The following CHODL variants were observed in gnomAD, a reference collection of about 807,000 sequenced individuals.
CHODL encodes chondrolectin.
In CHODL, 29 loss-of-function variants were observed where a neutral mutation model predicts 34.5. The observed-to-expected ratio is 0.84, with a 90% CI of 0.63 to 1.15. The LOEUF (loss-of-function observed/expected upper bound fraction) is 1.15. Ranked by LOEUF, CHODL falls within the 50% of genes most tolerant of loss-of-function variation. CHODL has a pLI of 0.00. For synonymous variants in CHODL, 125 were observed against 116.1 expected (o/e 1.08, Z -0.49); for missense variants, 332 against 332.5 (o/e 1.00, Z 0.01).
intron 2 of CHODL, among the ~76,000 whole-genome samples, chr21:18,216,806 C>A (rs2073833905): frequency 1.3e-5 from 2 of 151,980 alleles, no homozygotes; most frequent in South Asian, 4.2e-4. Context: ...CGGGGAAGTC[C>A]CAGACACTTA....
chr21:17,927,428 GT>G (rs2063238048), intron 1 of CHODL, among the ~76,000 whole-genome samples: 1 of 152,050 alleles, frequency 6.6e-6, no homozygotes, highest in African/African-American at 2.4e-5. Context: ...TATTTAGAAG[GT>G]GGTCATATGG....
chr21:18,152,540 G>A (rs1251601950), intron 2 of CHODL, among the ~76,000 whole-genome samples: 5 of 152,180 alleles, frequency 3.3e-5, no homozygotes, highest in Non-Finnish European at 7.4e-5. Flanking sequence ...TAAAACAGAA[G>A]TCTTTAGTCT....
At chr21:17,989,315 A>C (rs2063779072) in intron 1 of CHODL, among the ~76,000 whole-genome samples, 1 of 152,136 alleles carries the variant, frequency 6.6e-6, no homozygotes, top group Non-Finnish European at 1.5e-5. Context: ...TTTGGGTCTC[A>C]TTTGTAAAAT....
chr21:18,159,411 G>A (rs1018274950), intron 2 of CHODL, among the ~76,000 whole-genome samples: 26 of 152,056 alleles, frequency 1.7e-4, no homozygotes, highest in African/African-American at 5.8e-4. Context: ...TGCTGTTTGA[G>A]ATTTTTTTTT....
intron 2 of CHODL, among the ~76,000 whole-genome samples, chr21:18,054,212 A>G (rs9983737): frequency 0.39 from 58,565 of 151,686 alleles, 12,738 homozygotes; most frequent in Non-Finnish European, 0.51. Flanking sequence ...ACAGAGAGAG[A>G]GGGAGGAAGA....
chr21:17,932,809 A>G (rs915464927), intron 1 of CHODL, among the ~76,000 whole-genome samples: 1 of 152,200 alleles, frequency 6.6e-6, no homozygotes, highest in African/African-American at 2.4e-5. Flanking sequence ...GAGACAAAGT[A>G]TGGAGAAAGA....
At chr21:18,176,806 T>C (rs2073320308) in intron 2 of CHODL, among the ~76,000 whole-genome samples, 1 of 152,086 alleles carries the variant, frequency 6.6e-6, no homozygotes, top group South Asian at 2.1e-4. Flanking sequence ...AAAATTATTT[T>C]ATAGATAGGA....
chr21:18,162,438 TC>T (rs2073107139), intron 2 of CHODL, among the ~76,000 whole-genome samples: 2 of 142,008 alleles, frequency 1.4e-5, no homozygotes, highest in Admixed American at 1.4e-4. Flanking sequence ...TCTCTCTCTT[TC>T]TCTTTCTCTC....
intron 2 of CHODL, among the ~76,000 whole-genome samples, chr21:18,191,621 T>C (rs1255343331): frequency 6.6e-6 from 1 of 152,182 alleles, no homozygotes; most frequent in Non-Finnish European, 1.5e-5. Flanking sequence ...TTTACTACAG[T>C]GTTTAGCCCA....
At chr21:18,048,509 C>G (rs941771271) in intron 2 of CHODL, among the ~76,000 whole-genome samples, 2 of 151,572 alleles carry the variant, frequency 1.3e-5, no homozygotes, top group Non-Finnish European at 2.9e-5. Context: ...AAAATCATTG[C>G]ATTTAATACT....
At chr21:17,918,916 A>C (rs548094072) in intron 1 of CHODL, among the ~76,000 whole-genome samples, 8 of 152,362 alleles carry the variant, frequency 5.3e-5, no homozygotes, top group Admixed American at 2.0e-4. Flanking sequence ...CGAAGGGGCT[A>C]CAGGCCCCGT....
intron 1 of CHODL, among the ~76,000 whole-genome samples, chr21:17,929,168 A>G (rs1368146484): frequency 1.3e-5 from 2 of 152,220 alleles, no homozygotes; most frequent in Admixed American, 1.3e-4. Flanking sequence ...AAATAAACAT[A>G]TATTGCAGAA....
rs572394946 is a variant in CHODL at position 18,265,850 on chromosome 21, G to A, written c.738-104G>A. 8.7e-6 allele frequency: 7 copies of A among 808,624 alleles called. No individual in the cohort carries two copies. In the South Asian group the frequency reaches 1.3e-4, roughly 15 times the overall value. The allele number at this position is 808,624 out of a possible 1,614,324, so 50.1% of individuals were successfully genotyped here. ...TGGGAAAATATACTGCTGAGAGGGGGAGTCTTTCATAAATAACTGTCTGAG... is the reference window on the plus strand; with the variant it reads ...TGGGAAAATATACTGCTGAGAGGGGAAGTCTTTCATAAATAACTGTCTGAG... On this transcript the variant is annotated intron_variant, in intron 5 of 5. Coordinates refer to ENST00000299295, the MANE Select transcript of CHODL (RefSeq NM_024944.3).
intron 2 of CHODL, among the ~76,000 whole-genome samples, chr21:18,131,120 AAG>A (rs566152756): frequency 1.3e-5 from 2 of 151,826 alleles, no homozygotes; most frequent in Non-Finnish European, 2.9e-5. Context: ...CAGAGAGAGA[AAG>A]AGAGAGCAGA....
intron 2 of CHODL, among the ~76,000 whole-genome samples, chr21:18,115,521 G>C (rs1368587176): frequency 6.6e-6 from 1 of 152,034 alleles, no homozygotes; most frequent in Non-Finnish European, 1.5e-5. Flanking sequence ...TTACTCCTTT[G>C]GAAAACTTGT....
rs796242314 is a variant in CHODL, at chr21:18,201,883, G to C, written c.-44-54626G>C. Among the ~76,000 whole-genome samples the C allele has an allele frequency of 4.0e-5, 6 of 148,444 alleles. 1 individual carries two copies. The highest frequency in any genetic ancestry group is 1.5e-4 in the African/African-American group (6 of 39,652). Reference sequence around the variant, plus strand: ...GCAGTGGCGCGATCTCGGCTCACTGGAAGCTCCGCCTCCCGGGTTCCCGCC... The same window carrying C: ...GCAGTGGCGCGATCTCGGCTCACTGCAAGCTCCGCCTCCCGGGTTCCCGCC... On this transcript the variant is annotated intron_variant, in intron 2 of 6. Transcript: ENST00000400127.
rs375871411 is a variant in CHODL at position 18,068,292 on chromosome 21, G to T, written c.-45+40321G>T. On this transcript the variant is annotated intron_variant, in intron 2 of 6. Coordinates refer to the CHODL transcript ENST00000400127. ...GCTCACTGCAACCTCCACCTCCCAG[G>T]TTCAAGTGATTCTCCTGCCTCAGCC... Among the ~76,000 whole-genome samples, 492 of 150,092 alleles carry T rather than the reference G, an allele frequency of 3.3e-3. 7 individuals are homozygous for T. The Middle Eastern group carries it at 0.076, about 23-fold the overall frequency.
chr21:18,249,791 A>G (rs2074213201), intron 1 of CHODL, among the ~76,000 whole-genome samples: 1 of 152,194 alleles, frequency 6.6e-6, no homozygotes, highest in Non-Finnish European at 1.5e-5. Context: ...TTGAAAACAG[A>G]TAAGAGCACC....
intron 2 of CHODL, among the ~76,000 whole-genome samples, chr21:18,171,722 C>G (rs35312269): frequency 0.02 from 2,836 of 140,052 alleles, 49 homozygotes; most frequent in Middle Eastern, 0.04. Context: ...TACTTCTCCC[C>G]CATATTCTCT....
Sources: allele counts gnomAD v4.1 joint callset (sites outside exome capture counted in the v4.1 genomes callset), GRCh38; gene constraint gnomAD v4.1.1; transcripts MANE v1.5; gene names NCBI Gene and HGNC (gene_info 2026-07-23, HGNC 2026-07-21).